The following CCDC73 variants were observed in gnomAD, a reference collection of about 807,000 sequenced individuals.
CCDC73 encodes coiled-coil domain containing 73, also known as coiled-coil domain-containing protein 73.
CCDC73 carries 95 observed loss-of-function variants against 116.5 expected under a neutral mutation model. The ratio of observed to expected loss-of-function variants is 0.82; its 90% CI spans 0.69 to 0.97. CCDC73 has a LOEUF of 0.97. Among genes scored for constraint, CCDC73 ranks in the 50% least tolerant of loss-of-function variants. The probability of loss-of-function intolerance (pLI) is 0.00; values close to 1 mark genes in which losing one functional copy is unlikely to be tolerated. For synonymous variants in CCDC73, 398 were observed against 401.3 expected, an observed-to-expected ratio of 0.99 and a Z score of 0.10; for missense variants, 1,066 against 1,206.8, an observed-to-expected ratio of 0.88 and a Z score of 1.73.
chr11:32,640,446 C>T (rs1304055331), intron 13 of CCDC73, among the ~76,000 whole-genome samples: 2 of 151,854 alleles, frequency 1.3e-5, no homozygotes, highest in East Asian at 3.9e-4. Context: ...TTTATATTTC[C>T]TTTTCACTTA....
At chr11:32,747,039 T>C (rs113947359) in intron 2 of CCDC73, among the ~76,000 whole-genome samples, 4,545 of 152,354 alleles carry the variant, frequency 0.03, 87 homozygotes, top group Non-Finnish European at 0.039. Context: ...CTTTCTGCTC[T>C]GGTTTCTCCC....
chr11:32,668,303 C>T lies in CCDC73; in HGVS notation c.645+7262G>A, dbSNP rs145323672. Among the ~76,000 whole-genome samples the T allele has an allele frequency of 2.0e-4, 31 of 152,056 alleles. No homozygotes were observed. The East Asian group carries it at 5.0e-3, about 25-fold the overall frequency. On this transcript the variant is annotated intron_variant, in intron 9 of 17. Transcript: ENST00000335185. ...TAATTAAGATTAATTATCTCATAGC[C>T]GGTAACAATAAAGGCTTTCCTATAG...
At chr11:32,813,564 G>A in the CCDC73 span, among the ~76,000 whole-genome samples, 6 of 152,170 alleles carry the variant, frequency 3.9e-5, no homozygotes, top group African/African-American at 1.4e-4. Flanking sequence ...TGGCCTACAT[G>A]AAGTCTTTAA....
chr11:32,639,955 T>C (rs1855718004), intron 13 of CCDC73, among the ~76,000 whole-genome samples: 1 of 152,190 alleles, frequency 6.6e-6, no homozygotes, highest in Admixed American at 6.5e-5. Flanking sequence ...TCTTTCACTG[T>C]TTATTTTTTT....
At chr11:32,745,720 T>G (rs1780530297) in intron 2 of CCDC73, among the ~76,000 whole-genome samples, 1 of 115,244 alleles carries the variant, frequency 8.7e-6, no homozygotes, top group East Asian at 4.6e-4. Context: ...CTGGTTTTTG[T>G]TTTTTTGTTT....
chr11:32,810,433 A>G, the CCDC73 span, among the ~76,000 whole-genome samples: 2 of 152,238 alleles, frequency 1.3e-5, no homozygotes, highest in African/African-American at 4.8e-5. Context: ...CTGAGGTTCA[A>G]TTAGGCTAAA....
At chr11:32,765,804 G>A (rs1482431270) in intron 1 of CCDC73, among the ~76,000 whole-genome samples, 2 of 152,150 alleles carry the variant, frequency 1.3e-5, no homozygotes, top group Non-Finnish European at 2.9e-5. Flanking sequence ...CTGAAATTGA[G>A]GCAATAATTA....
upstream of CCDC73, among the ~76,000 whole-genome samples, chr11:32,798,452 C>T (rs999114788): frequency 3.3e-5 from 5 of 152,158 alleles, no homozygotes; most frequent in African/African-American, 1.2e-4. Context: ...GGACCACAGG[C>T]GCACGCCACC....
chr11:32,828,945 T>A, the CCDC73 span, among the ~76,000 whole-genome samples: 1 of 152,160 alleles, frequency 6.6e-6, no homozygotes, highest in Non-Finnish European at 1.5e-5. Context: ...GTTATAGCTA[T>A]CCTAGTAGAT....
At chr11:32,691,800 G>A (rs566466271) in intron 6 of CCDC73, among the ~76,000 whole-genome samples, 1 of 152,182 alleles carries the variant, frequency 6.6e-6, no homozygotes, top group African/African-American at 2.4e-5. Context: ...TGTAATCCTA[G>A]CACTTTGGGA....
upstream of CCDC73, among the ~76,000 whole-genome samples, chr11:32,794,999 G>GT (rs1255731964): frequency 5.3e-5 from 8 of 150,904 alleles, no homozygotes; most frequent in South Asian, 2.1e-4. Context: ...CGATATATTC[G>GT]TTTTTTAAAA....
intron 9 of CCDC73, 126 bp from the exon 10 acceptor site, chr11:32,655,098 G>GTATATTTTCCCTAC: frequency 5.7e-6 from 2 of 350,012 alleles, no homozygotes; most frequent in Non-Finnish European, 9.0e-6. Flanking sequence ...TCCCTTGCAA[G>GTATATTTTCCCTAC]TTCCCTTGCA....
At chr11:32,737,270 TGTG>T (rs1565088980) in intron 2 of CCDC73, among the ~76,000 whole-genome samples, 4 of 148,154 alleles carry the variant, frequency 2.7e-5, no homozygotes, top group African/African-American at 1.0e-4. Context: ...TGTGTGTGTG[TGTG>T]TATATACATG....
At chr11:32,686,418 A>G (rs2133298976) in intron 6 of CCDC73, among the ~76,000 whole-genome samples, 1 of 151,516 alleles carries the variant, frequency 6.6e-6, no homozygotes, top group Non-Finnish European at 1.5e-5. Flanking sequence ...ATGTACATTT[A>G]GAAGTCTTCT....
At chr11:32,630,776 A>G (rs192186324) in intron 14 of CCDC73, among the ~76,000 whole-genome samples, 1 of 152,056 alleles carries the variant, frequency 6.6e-6, no homozygotes, top group African/African-American at 2.4e-5. Context: ...ACAAAATACA[A>G]TCAACAGTTC....
At chr11:32,646,464 C>T (rs1056870565) in intron 12 of CCDC73, among the ~76,000 whole-genome samples, 1 of 152,120 alleles carries the variant, frequency 6.6e-6, no homozygotes, top group Admixed American at 6.6e-5. Context: ...TACCAATACT[C>T]GGCAATTTGT....
chr11:32,716,805 C>T (rs1372876975), intron 3 of CCDC73, among the ~76,000 whole-genome samples: 2 of 152,204 alleles, frequency 1.3e-5, no homozygotes, highest in Non-Finnish European at 2.9e-5. Context: ...TCAAGTAACC[C>T]TCCTGCCTTG....
At chr11:32,731,401 T>G (rs1393891505) in intron 2 of CCDC73, among the ~76,000 whole-genome samples, 1 of 152,220 alleles carries the variant, frequency 6.6e-6, no homozygotes, top group Non-Finnish European at 1.5e-5. Flanking sequence ...TAAATGTCCC[T>G]GTCCGACAGC....
At chr11:32,655,099 T>TGTATTTTCCCTAGG in intron 9 of CCDC73, 127 bp from the exon 10 acceptor site, 11 of 72,288 alleles carry the variant, frequency 1.5e-4, no homozygotes, top group African/African-American at 3.0e-4. Flanking sequence ...CCCTTGCAAG[T>TGTATTTTCCCTAGG]TCCCTTGCAA....
Sources: gnomAD v4.1 joint callset for allele counts (sites outside exome capture counted in the v4.1 genomes callset) on GRCh38, gnomAD v4.1.1 for gene constraint, MANE v1.5 for transcripts, NCBI Gene and HGNC (gene_info 2026-07-23, HGNC 2026-07-21) for gene names.